Variants in NEK6 observed in about 807,000 individuals in gnomAD.
The protein encoded by NEK6 is serine/threonine-protein kinase Nek6.
NEK6 carries 27 observed loss-of-function variants against 43.5 expected under a neutral mutation model. The observed-to-expected ratio is 0.62, with a 90% CI of 0.46 to 0.86. The LOEUF (loss-of-function observed/expected upper bound fraction) is 0.86, where lower values mean the gene tolerates loss of function less well. Among genes scored for constraint, NEK6 ranks in the 40% least tolerant of loss-of-function variants. The probability of loss-of-function intolerance (pLI) is 0.00; values close to 1 mark genes in which losing one functional copy is unlikely to be tolerated. For missense variants in NEK6, 318 were observed against 414.4 expected (o/e 0.77, Z 2.02); for synonymous variants, 167 against 164.1 (o/e 1.02, Z -0.14).
chr9:124,260,990 C>G (rs1422618308), intron 1 of NEK6: 1 of 152,204 alleles, frequency 6.6e-6, no homozygotes, highest in Non-Finnish European at 1.5e-5. Context: ...TGTCGTTTTC[C>G]TGATCTTACA....
chr9:124,298,668 G>A (rs1368462635), intron 1 of NEK6, among the ~76,000 whole-genome samples: 1 of 152,160 alleles, frequency 6.6e-6, no homozygotes. Flanking sequence ...GGGGAGTGCA[G>A]TACCGTAGTT....
rs1005387469 is a variant in NEK6, at chr9:124,352,800, T to C, written c.*1853T>C. ...GACCAACTTTTTGCCAACATTCTGC[T>C]TCCAGCTCTCTGAGCCCCTGCCGTG... On this transcript the variant is annotated 3_prime_UTR_variant, in exon 10 of 10. Transcript: ENST00000320246. 1 of 152,332 alleles carries C rather than the reference T, an allele frequency of 6.6e-6. No homozygotes were observed. Among genetic ancestry groups the C allele is most frequent in the South Asian group, 2.1e-4 (1 of 4,838 alleles). 9.4% of individuals were successfully genotyped at this position (152,332 alleles called of 1,614,324 possible).
intron 9 of NEK6, 49 bp downstream of exon 9, chr9:124,347,871 G>A: frequency 9.1e-7 from 1 of 1,096,358 alleles, no homozygotes; most frequent in South Asian, 1.3e-5. Context: ...AGGCCACCGA[G>A]GCTTATGAGG....
upstream of NEK6, chr9:124,257,900 G>A: frequency 1.0e-6 from 1 of 956,446 alleles, no homozygotes; most frequent in Non-Finnish European, 1.2e-6. Context: ...GGGGCGGCGC[G>A]GCCCCGCGGC....
chr9:124,325,189 G>C (rs1239116112), intron 5 of NEK6, among the ~76,000 whole-genome samples: 3 of 151,980 alleles, frequency 2.0e-5, no homozygotes, highest in Admixed American at 2.0e-4. Flanking sequence ...AAAAAAAGAA[G>C]TGGGCTAAGG....
At chr9:124,286,720 GC>G (rs1366528668) in intron 1 of NEK6, among the ~76,000 whole-genome samples, 2 of 152,224 alleles carry the variant, frequency 1.3e-5, no homozygotes, top group Non-Finnish European at 1.5e-5. Flanking sequence ...AGGCCCCAGG[GC>G]ATTAGACCTG....
chr9:124,299,565 G>A (rs1347232393), intron 1 of NEK6, among the ~76,000 whole-genome samples: 3 of 152,192 alleles, frequency 2.0e-5, no homozygotes, highest in Admixed American at 6.5e-5. Flanking sequence ...AAATGGTGGA[G>A]ACACCGAGGG....
At chr9:124,265,710 TG>T (rs1831205073) in intron 1 of NEK6, 1 of 152,288 alleles carries the variant, frequency 6.6e-6, no homozygotes, top group African/African-American at 2.4e-5. Context: ...CACCTGGGCC[TG>T]GACTGCGGGT....
intron 1 of NEK6, among the ~76,000 whole-genome samples, chr9:124,289,928 A>C (rs546381187): frequency 6.6e-5 from 10 of 152,340 alleles, no homozygotes; most frequent in Admixed American, 2.0e-4. Context: ...GACCACACAC[A>C]GCACAGCTCA....
chr9:124,292,739 T>G, intron 1 of NEK6: 2 of 1,158,336 alleles, frequency 1.7e-6, no homozygotes, highest in Non-Finnish European at 2.4e-6. Flanking sequence ...TGGCCTCAGG[T>G]GTTTCTGTAC....
At chr9:124,337,744 T>C (rs1829365828) in intron 7 of NEK6, among the ~76,000 whole-genome samples, 1 of 152,212 alleles carries the variant, frequency 6.6e-6, no homozygotes, top group South Asian at 2.1e-4. Context: ...GAAGCACTCA[T>C]TTGGGCATCT....
chr9:124,336,371 T>C (rs1394434998), intron 7 of NEK6, among the ~76,000 whole-genome samples: 6 of 152,380 alleles, frequency 3.9e-5, no homozygotes, highest in East Asian at 1.9e-4. Flanking sequence ...CTGTCTTTTC[T>C]TTAAAAATCA....
chr9:124,314,248 A>G (rs890895723), intron 4 of NEK6, among the ~76,000 whole-genome samples: 1 of 151,942 alleles, frequency 6.6e-6, no homozygotes, highest in East Asian at 1.9e-4. Flanking sequence ...CTGCTTGTAC[A>G]TGGCAGTACC....
intron 7 of NEK6, among the ~76,000 whole-genome samples, chr9:124,331,259 C>CAAAAAAAAA (rs779194493): frequency 1.0e-5 from 1 of 95,284 alleles, no homozygotes; most frequent in Non-Finnish European, 2.0e-5. Context: ...GACTCTGTCT[C>CAAAAAAAAA]AAAAAAAAAA....
intron 1 of NEK6, among the ~76,000 whole-genome samples, chr9:124,267,418 A>C (rs545121986): frequency 6.6e-6 from 1 of 152,282 alleles, no homozygotes; most frequent in East Asian, 1.9e-4. Flanking sequence ...TGCCGGACTG[A>C]GTCAGTGTGT....
chr9:124,330,703 G>A (rs1828936018), intron 7 of NEK6, among the ~76,000 whole-genome samples: 1 of 152,270 alleles, frequency 6.6e-6, no homozygotes, highest in African/African-American at 2.4e-5. Context: ...TGGGCTGTGT[G>A]CTGGGGATAT....
intron 5 of NEK6, among the ~76,000 whole-genome samples, chr9:124,325,906 T>C (rs1027188848): frequency 1.3e-5 from 2 of 152,204 alleles, no homozygotes; most frequent in African/African-American, 4.8e-5. Context: ...GGTGCCACCC[T>C]CCTGGGCCAG....
rs140978005 is a variant in NEK6, at chr9:124,302,040, C to T, written c.76C>T (p.Pro26Ser). The T allele has an allele frequency of 6.2e-7, 1 of 1,603,260 alleles. No homozygotes were observed. The highest frequency in any genetic ancestry group is 8.5e-7 in the Non-Finnish European group (1 of 1,174,478). Residue 26 changes from proline to serine, a missense_variant, in exon 2 of 10, where the codon CCT (proline) becomes TCT (serine). Physicochemically the swap from Pro to Ser is moderately conservative, Grantham distance 74. Around this residue, in one of 2 missense-constraint regions of NEK6, gnomAD observed 239 missense variants for 344.4 expected, o/e 0.69. Transcript: ENST00000320246. ...NLCHTLGPVHPPDPQRHPNTL... is the reference protein window; with the variant it reads ...NLCHTLGPVHSPDPQRHPNTL... ...CTGCCACACCCTGGGGCCTGTGCAT[C>T]CTCCTGACCCACAGGTAAGCCCCTT...
intron 7 of NEK6, among the ~76,000 whole-genome samples, chr9:124,336,028 C>G (rs565746967): frequency 6.6e-6 from 1 of 152,114 alleles, no homozygotes; most frequent in Non-Finnish European, 1.5e-5. Context: ...TACCCAAGGT[C>G]AAGAGTTTGA....
Sources: gnomAD v4.1 joint callset for allele counts (sites outside exome capture counted in the v4.1 genomes callset) on GRCh38, gnomAD v4.1.1 for gene constraint, gnomAD v4.1.1 regional missense constraint, MANE v1.5 for transcripts, NCBI Gene and HGNC (gene_info 2026-07-23, HGNC 2026-07-21) for gene names.